The following IL1RAPL1 variants were observed in gnomAD, a reference collection of about 807,000 sequenced individuals.
The protein encoded by IL1RAPL1 is interleukin 1 receptor accessory protein like 1, also known as interleukin-1 receptor accessory protein-like 1.
A neutral mutation model predicts 48.4 loss-of-function variants in IL1RAPL1; 3 were observed. That is an observed-to-expected ratio of 0.06 (90% confidence interval 0.03 to 0.16). The LOEUF (loss-of-function observed/expected upper bound fraction) is 0.16, where lower values mean the gene tolerates loss of function less well. Ranked by LOEUF, IL1RAPL1 falls within the 10% of genes least tolerant of loss-of-function variation. The pLI is 1.00. For missense variants in IL1RAPL1, 349 were observed against 530.6 expected, an observed-to-expected ratio of 0.66 and a Z score of 3.36; for synonymous variants, 185 against 187.7, an observed-to-expected ratio of 0.99 and a Z score of 0.12.
At chrX:29,279,219 C>T (rs776700325) in intron 2 of IL1RAPL1, among the ~76,000 whole-genome samples, 2 of 111,484 alleles carry the variant, frequency 1.8e-5, no homozygotes, top group South Asian at 3.8e-4. Flanking sequence ...TGGGCAGATC[C>T]GAGATCAGGA....
chrX:28,779,430 C>T (rs956906923), intron 1 of IL1RAPL1, among the ~76,000 whole-genome samples: 11 of 108,130 alleles, frequency 1.0e-4, no homozygotes, highest in Non-Finnish European at 1.7e-4. Flanking sequence ...GCAGCCTTGA[C>T]AGTGTCTTTA....
At chrX:28,657,869 G>A (rs1344533062) in intron 1 of IL1RAPL1, among the ~76,000 whole-genome samples, 1 of 112,165 alleles carries the variant, frequency 8.9e-6, no homozygotes, top group East Asian at 2.8e-4. Context: ...ATGAAGGTTG[G>A]TGTTCGAGAG....
intron 6 of IL1RAPL1, among the ~76,000 whole-genome samples, chrX:29,812,593 A>T (rs2147178557): frequency 9.0e-6 from 1 of 111,491 alleles, no homozygotes; most frequent in East Asian, 2.8e-4. Context: ...GTGGATGGAG[A>T]TGAATTCATT....
Position 28,734,941 on chromosome X carries a change from C to T in IL1RAPL1, c.-24-54379C>T, listed in dbSNP as rs148602302. ...CCTGCATGATATAGGCAGTGAACATCATCTGCTACTTTCGTTTGCTAATAC... is the reference window on the plus strand; with the variant it reads ...CCTGCATGATATAGGCAGTGAACATTATCTGCTACTTTCGTTTGCTAATAC... On this transcript the variant is annotated intron_variant, in intron 1 of 10. Coordinates refer to ENST00000378993, the MANE Select transcript of IL1RAPL1 (RefSeq NM_014271.4). Among the ~76,000 whole-genome samples the T allele has an allele frequency of 7.9e-3, 885 of 112,024 alleles. 5 individuals are homozygous for T. Among genetic ancestry groups the T allele is most frequent in the South Asian group, 0.016 (42 of 2,708 alleles).
chrX:29,808,864 G>A (rs1347029400), intron 6 of IL1RAPL1, among the ~76,000 whole-genome samples: 1 of 110,405 alleles, frequency 9.1e-6, no homozygotes, highest in Non-Finnish European at 1.9e-5. Flanking sequence ...TTATTAATAT[G>A]GTTAAACCAG....
intron 5 of IL1RAPL1, among the ~76,000 whole-genome samples, chrX:29,556,477 G>A (rs1433788300): frequency 9.1e-6 from 1 of 110,151 alleles, no homozygotes; most frequent in African/African-American, 3.3e-5. Flanking sequence ...GTGAAACCCT[G>A]TCTCTACTAA....
intron 5 of IL1RAPL1, among the ~76,000 whole-genome samples, chrX:29,451,754 A>T (rs187287631): frequency 2.9e-4 from 32 of 112,038 alleles, no homozygotes; most frequent in African/African-American, 1.0e-3. Flanking sequence ...ACAGTGGCCC[A>T]CATTAAAAAC....
At chrX:29,171,884 G>A (rs1434352422) in intron 2 of IL1RAPL1, among the ~76,000 whole-genome samples, 1 of 112,056 alleles carries the variant, frequency 8.9e-6, no homozygotes. Flanking sequence ...AATGTTTATT[G>A]TGGTTTTTTA....
intron 6 of IL1RAPL1, among the ~76,000 whole-genome samples, chrX:29,770,007 G>C (rs1429851980): frequency 8.9e-6 from 1 of 111,831 alleles, no homozygotes; most frequent in Non-Finnish European, 1.9e-5. Flanking sequence ...AACATACAAA[G>C]CATATAGGAA....
intron 2 of IL1RAPL1, among the ~76,000 whole-genome samples, chrX:28,808,100 G>A (rs1484378549): frequency 1.8e-5 from 2 of 111,251 alleles, no homozygotes. Context: ...AATAAAACCA[G>A]TTTTCCTCGC....
intron 1 of IL1RAPL1, among the ~76,000 whole-genome samples, chrX:28,634,567 C>T: frequency 9.1e-6 from 1 of 109,468 alleles, no homozygotes; most frequent in Middle Eastern, 4.8e-3. Context: ...TTCCCCAACT[C>T]CTGCCAGGTT....
At chrX:29,626,588 G>A (rs191747832) in intron 5 of IL1RAPL1, among the ~76,000 whole-genome samples, 2 of 112,078 alleles carry the variant, frequency 1.8e-5, no homozygotes, top group Admixed American at 1.9e-4. Flanking sequence ...CAAGCTGTTG[G>A]CAGAAGTTGT....
At chrX:29,604,071 A>G (rs1398640611) in intron 5 of IL1RAPL1, among the ~76,000 whole-genome samples, 3 of 112,444 alleles carry the variant, frequency 2.7e-5, no homozygotes, top group Non-Finnish European at 5.6e-5. Context: ...ATTGCAGAGT[A>G]TTGTACAGAT....
intron 2 of IL1RAPL1, among the ~76,000 whole-genome samples, chrX:28,906,753 T>C (rs941610081): frequency 4.5e-5 from 5 of 111,910 alleles, no homozygotes; most frequent in African/African-American, 9.7e-5. Flanking sequence ...ATTTTTTTCA[T>C]TTATTTCTTG....
At chrX:28,986,931 A>G (rs1336873178) in intron 2 of IL1RAPL1, among the ~76,000 whole-genome samples, 1 of 111,985 alleles carries the variant, frequency 8.9e-6, no homozygotes, top group Non-Finnish European at 1.9e-5. Flanking sequence ...GGTCATATAT[A>G]TATGCAAAGT....
At chrX:29,802,905 G>GCACA in intron 6 of IL1RAPL1, among the ~76,000 whole-genome samples, 1 of 21,451 alleles carries the variant, frequency 4.7e-5, no homozygotes. Context: ...ATATATATGT[G>GCACA]TATATATGTG....
At chrX:28,630,856 A>G (rs896100481) in intron 1 of IL1RAPL1, among the ~76,000 whole-genome samples, 8 of 112,035 alleles carry the variant, frequency 7.1e-5, no homozygotes, top group African/African-American at 2.6e-4. Context: ...TGTTCATTAA[A>G]TGCCTAACTC....
intron 6 of IL1RAPL1, among the ~76,000 whole-genome samples, chrX:29,680,253 T>C (rs1055406848): frequency 1.8e-5 from 2 of 111,419 alleles, no homozygotes; most frequent in Admixed American, 9.6e-5. Context: ...CTGCATGTCA[T>C]CATTTTGTAT....
At chrX:28,843,860 T>C (rs1399858871) in intron 2 of IL1RAPL1, among the ~76,000 whole-genome samples, 1 of 111,227 alleles carries the variant, frequency 9.0e-6, no homozygotes, top group African/African-American at 3.3e-5. Flanking sequence ...CATGCCTTAT[T>C]TGAGTTTCAG....
Sources: gnomAD v4.1 joint callset for allele counts (sites outside exome capture counted in the v4.1 genomes callset) on GRCh38, gnomAD v4.1.1 for gene constraint, MANE v1.5 for transcripts, NCBI Gene and HGNC (gene_info 2026-07-23, HGNC 2026-07-21) for gene names.